TSHZ2: variants seen among roughly 807,000 people sequenced by gnomAD.
The protein encoded by TSHZ2 is teashirt zinc finger homeobox 2.
A neutral mutation model predicts 74.4 loss-of-function variants in TSHZ2; 21 were observed. That is an observed-to-expected ratio of 0.28 (90% CI 0.20 to 0.41). The LOEUF (loss-of-function observed/expected upper bound fraction) is 0.41, where lower values mean the gene tolerates loss of function less well. TSHZ2 is among the 10% of genes least tolerant of loss of function. The probability of loss-of-function intolerance (pLI) is 1.00; values close to 1 mark genes in which losing one functional copy is unlikely to be tolerated. For missense variants in TSHZ2, 1,244 were observed against 1,293.5 expected (o/e 0.96, Z 0.59); for synonymous variants, 540 against 515.3 (o/e 1.05, Z -0.65).
chr20:53,137,687 G>A (rs898128562), intron 1 of TSHZ2, among the ~76,000 whole-genome samples: 4 of 152,042 alleles, frequency 2.6e-5, no homozygotes, highest in South Asian at 2.1e-4. Context: ...TCATATCATC[G>A]CCCTCTAGCT....
intron 1 of TSHZ2, among the ~76,000 whole-genome samples, chr20:53,134,462 T>C (rs574110221): frequency 6.6e-6 from 1 of 152,318 alleles, no homozygotes; most frequent in South Asian, 2.1e-4. Context: ...ATATAAATTT[T>C]CTCATCATTT....
intron 2 of TSHZ2, among the ~76,000 whole-genome samples, chr20:53,485,292 T>C (rs1986263569): frequency 6.6e-6 from 1 of 152,246 alleles, no homozygotes; most frequent in Admixed American, 6.5e-5. Context: ...CGTAGTATCA[T>C]AAACTATTAT....
intron 2 of TSHZ2, among the ~76,000 whole-genome samples, chr20:53,390,014 A>G (rs1982192495): frequency 1.3e-5 from 2 of 152,210 alleles, no homozygotes; most frequent in South Asian, 4.1e-4. Flanking sequence ...TCTCAGGACA[A>G]ATATTTATTT....
intron 2 of TSHZ2, among the ~76,000 whole-genome samples, chr20:53,314,742 C>T (rs1978931155): frequency 6.6e-6 from 1 of 151,764 alleles, no homozygotes; most frequent in African/African-American, 2.4e-5. Context: ...CTGCCTCAGC[C>T]TCTCAAGCAG....
intron 1 of TSHZ2, among the ~76,000 whole-genome samples, chr20:53,001,236 G>GTGTGTGTGTGTGTA (rs1568713592): frequency 5.5e-5 from 6 of 108,362 alleles, no homozygotes; most frequent in African/African-American, 1.2e-4. Flanking sequence ...GTGTGTGTGT[G>GTGTGTGTGTGTGTA]TGTGTGTGTG....
chr20:53,221,172 T>C (rs1989546213), intron 1 of TSHZ2, among the ~76,000 whole-genome samples: 1 of 152,182 alleles, frequency 6.6e-6, no homozygotes, highest in African/African-American at 2.4e-5. Flanking sequence ...CCAGCCTCCA[T>C]GTAAGACATC....
At chr20:53,030,337 A>G (rs1600654983) in intron 1 of TSHZ2, among the ~76,000 whole-genome samples, 1 of 143,518 alleles carries the variant, frequency 7.0e-6, no homozygotes, top group East Asian at 2.2e-4. Context: ...TTCCCTGGAA[A>G]TAGAGCACTG....
At chr20:53,182,683 C>A (rs536717497) in intron 1 of TSHZ2, among the ~76,000 whole-genome samples, 1 of 152,176 alleles carries the variant, frequency 6.6e-6, no homozygotes, top group African/African-American at 2.4e-5. Flanking sequence ...GATAAACGTG[C>A]TCAGAGTAAA....
intron 1 of TSHZ2, among the ~76,000 whole-genome samples, chr20:53,177,191 G>A (rs1206587192): frequency 1.3e-5 from 2 of 152,124 alleles, no homozygotes; most frequent in East Asian, 3.9e-4. Context: ...ACCACTGTAT[G>A]CATCTTTGTA....
chr20:53,236,919 A>C (rs960226579), intron 1 of TSHZ2, among the ~76,000 whole-genome samples: 1 of 152,130 alleles, frequency 6.6e-6, no homozygotes. Context: ...CCCATAATCT[A>C]ATCAATTCCT....
intron 1 of TSHZ2, among the ~76,000 whole-genome samples, chr20:53,155,582 A>G (rs920483121): frequency 3.3e-5 from 5 of 151,820 alleles, no homozygotes; most frequent in African/African-American, 1.2e-4. Context: ...CAAGCAGAAG[A>G]TACCCGGGAC....
At chr20:53,446,578 CAAA>C (rs5841946) in intron 2 of TSHZ2, among the ~76,000 whole-genome samples, 27 of 105,794 alleles carry the variant, frequency 2.6e-4, no homozygotes, top group Admixed American at 4.8e-4. Context: ...GACTCTGTCG[CAAA>C]AAAAAAAAAA....
intron 1 of TSHZ2, among the ~76,000 whole-genome samples, chr20:53,009,398 CT>C (rs1982770351): frequency 6.6e-6 from 1 of 152,074 alleles, no homozygotes; most frequent in Non-Finnish European, 1.5e-5. Flanking sequence ...GCTCACTCTT[CT>C]TTTTCTTGTG....
rs186125210 is a variant in TSHZ2, at chr20:53,145,336, T to C, written c.41-108163T>C. On this transcript the variant is annotated intron_variant, in intron 1 of 2. Coordinates refer to ENST00000371497, the MANE Select transcript of TSHZ2 (RefSeq NM_173485.6). ...GTCAAAATGGCAGACCCACTCTCTT[T>C]TCCTGCACAAGATAATAGGGCCTCT... Among the ~76,000 whole-genome samples, 10 of 152,318 alleles carry C rather than the reference T, an allele frequency of 6.6e-5. No individual in the cohort carries two copies. In the East Asian group the frequency reaches 1.7e-3, roughly 26 times the overall value.
chr20:53,077,659 A>ACT (rs1985409094), intron 1 of TSHZ2, among the ~76,000 whole-genome samples: 2 of 152,200 alleles, frequency 1.3e-5, no homozygotes, highest in Non-Finnish European at 2.9e-5. Flanking sequence ...AGTCACACAG[A>ACT]CAGGGTAGTG....
intron 1 of TSHZ2, among the ~76,000 whole-genome samples, chr20:52,980,122 C>T (rs958753130): frequency 2.0e-5 from 3 of 152,056 alleles, no homozygotes; most frequent in Non-Finnish European, 1.5e-5. Flanking sequence ...TTCAGAAAAC[C>T]AAATGTGGGC....
chr20:53,116,644 G>C (rs6097239), intron 1 of TSHZ2, among the ~76,000 whole-genome samples: 32,954 of 152,016 alleles, frequency 0.22, 6,983 homozygotes, highest in African/African-American at 0.53. Flanking sequence ...AAGCCTTTTT[G>C]CATGGCATGA....
At chr20:53,101,532 C>A (rs1204264085) in intron 1 of TSHZ2, among the ~76,000 whole-genome samples, 1 of 152,204 alleles carries the variant, frequency 6.6e-6, no homozygotes, top group Non-Finnish European at 1.5e-5. Context: ...ACAATGAAGG[C>A]ATCTGTTTAA....
At chr20:53,308,503 T>C (rs1985835368) in intron 2 of TSHZ2, among the ~76,000 whole-genome samples, 1 of 152,114 alleles carries the variant, frequency 6.6e-6, no homozygotes, top group Non-Finnish European at 1.5e-5. Flanking sequence ...AAATGGATGT[T>C]GTACCAGCAA....
Sources: allele counts gnomAD v4.1 joint callset (sites outside exome capture counted in the v4.1 genomes callset), GRCh38; gene constraint gnomAD v4.1.1; transcripts MANE v1.5; gene names NCBI Gene and HGNC (gene_info 2026-07-23, HGNC 2026-07-21).